Variants in B3GNT5 observed in about 807,000 individuals in gnomAD.
B3GNT5 encodes UDP-GlcNAc:betaGal beta-1,3-N-acetylglucosaminyltransferase 5, also known as lactosylceramide 1,3-N-acetyl-beta-D-glucosaminyltransferase.
Under a neutral mutation model 25.9 loss-of-function variants are expected in B3GNT5, and 11 were observed. The observed-to-expected ratio is 0.42, with a 90% CI of 0.27 to 0.70. B3GNT5 has a LOEUF of 0.70. B3GNT5 is among the 30% of genes least tolerant of loss of function. B3GNT5 has a pLI of 0.23. For synonymous variants in B3GNT5, 166 were observed against 158.6 expected (o/e 1.05, Z -0.35); for missense variants, 385 against 458.4 (o/e 0.84, Z 1.46).
At chr3:183,258,275 C>G (rs1242660764) in intron 1 of B3GNT5, 1 of 152,948 alleles carries the variant, frequency 6.5e-6, no homozygotes, top group Non-Finnish European at 1.5e-5. Flanking sequence ...CCACTTCACC[C>G]TTTAAGCCAG....
chr3:183,266,012 A>C (rs775403739), intron 1 of B3GNT5: 4 of 152,252 alleles, frequency 2.6e-5, no homozygotes, highest in Non-Finnish European at 5.9e-5. Context: ...CTGAAAAAAT[A>C]CAGGAAAATA....
At position 183,270,263 on chromosome 3, in the gene B3GNT5, T is replaced by A; in HGVS notation, c.465T>A (p.Asp155Glu). 6.2e-7 allele frequency: 1 copy of A among 1,614,170 alleles called. No homozygotes were observed. ...KLAWEDQRYN[D>E]IIQQDFVDSF... ...CTTGGGAAGATCAAAGGTACAATGA[T>A]ATAATTCAGCAAGACTTTGTTGATT... Residue 155 changes from aspartate to glutamate, a missense_variant, in exon 2 of 2, where the codon GAT becomes GAA. Asp to Glu is a conservative substitution (Grantham distance 45). Coordinates refer to ENST00000326505, the MANE Select transcript of B3GNT5 (RefSeq NM_032047.5). This position sits in a 1 kb window ranked among gnomAD's most constrained non-coding sequence, Gnocchi z 4.5.
intron 1 of B3GNT5, among the ~76,000 whole-genome samples, chr3:183,263,363 T>C (rs1246310300): frequency 6.6e-6 from 1 of 152,146 alleles, no homozygotes; most frequent in African/African-American, 2.4e-5. Context: ...AGGGTCCATC[T>C]TTAGACCCTC....
Position 183,270,363 on chromosome 3 carries a change from C to T in B3GNT5, c.565C>T (p.Leu189Phe), listed in dbSNP as rs1263866685. ...TACCTATTGTCCACATGCCAAATTT[C>T]TTATGACTGCTGATGATGACATATT... Reference protein sequence around the residue: ...ANTYCPHAKFLMTADDDIFIH... With the variant: ...ANTYCPHAKFFMTADDDIFIH... The change falls in exon 2 of 2, where the codon CTT becomes TTT. Residue 189 changes from leucine (L) to phenylalanine (F), a missense_variant. Leu to Phe is a conservative substitution (Grantham distance 22). Coordinates refer to ENST00000326505, the MANE Select transcript of B3GNT5 (RefSeq NM_032047.5). The surrounding 1 kb of genome is among the most constrained non-coding windows in gnomAD (Gnocchi z 4.5). 5.6e-6 allele frequency: 9 copies of T among 1,614,074 alleles called. No individual in the cohort carries two copies. Among genetic ancestry groups the T allele is most frequent in the Non-Finnish European group, 7.6e-6 (9 of 1,180,038 alleles).
intron 1 of B3GNT5, among the ~76,000 whole-genome samples, chr3:183,266,402 A>G (rs191792476): frequency 3.3e-5 from 5 of 152,320 alleles, no homozygotes. Flanking sequence ...TAGAAACTGC[A>G]GATGCTTTTC....
intron 1 of B3GNT5, among the ~76,000 whole-genome samples, chr3:183,269,203 T>A (rs1484852237): frequency 1.3e-5 from 2 of 148,706 alleles, no homozygotes; most frequent in Non-Finnish European, 3.0e-5. Context: ...TGAACTTAAG[T>A]ATACACGATT....
At chr3:183,260,248 A>C (rs1364596338) in intron 1 of B3GNT5, among the ~76,000 whole-genome samples, 1 of 152,134 alleles carries the variant, frequency 6.6e-6, no homozygotes, top group Non-Finnish European at 1.5e-5. Flanking sequence ...AGGCTTAAAG[A>C]GCTACCACAT....
In B3GNT5 at chr3:183,268,127, T is replaced by C. The variant is rs117095482; in HGVS notation, c.-301-1371T>C. On this transcript the variant is annotated intron_variant, in intron 1 of 1. Transcript: ENST00000326505. Reference sequence around the variant, plus strand: ...ACTTCATATTAGCAAGGGAGGAAGGTAGCCAGGCCACAGGACTGCTGGTGT... The same window carrying C: ...ACTTCATATTAGCAAGGGAGGAAGGCAGCCAGGCCACAGGACTGCTGGTGT... Among the ~76,000 whole-genome samples the C allele has an allele frequency of 2.4e-4, 36 of 152,330 alleles. No homozygotes were observed. The East Asian group carries it at 6.8e-3, about 29-fold the overall frequency.
In B3GNT5 at chr3:183,271,411, T is replaced by C. The variant is rs2108448749; in HGVS notation, c.*476T>C. On this transcript the variant is annotated 3_prime_UTR_variant, in exon 2 of 2. Coordinates refer to ENST00000326505, the MANE Select transcript of B3GNT5 (RefSeq NM_032047.5). ...GGAAAGGTCAGCATAGGAGAGAAAG[T>C]TCATGAATCTGGTAAAACAGTCTCT... is the stretch of plus-strand genomic sequence containing the variant. The C allele has an allele frequency of 6.0e-6, 1 of 167,456 alleles. No homozygotes were observed. Among genetic ancestry groups the C allele is most frequent in the East Asian group, 1.9e-4 (1 of 5,198 alleles). 10.4% of individuals were successfully genotyped at this position (167,456 alleles called of 1,614,324 possible). A position where few individuals can be genotyped will look rare whatever the true frequency, so the allele number is the denominator to read the frequency against.
At position 183,261,961 on chromosome 3, in the gene B3GNT5, T is replaced by TAAA. The variant is rs59219335; in HGVS notation, c.-301-7523_-301-7521dup. On this transcript the variant is annotated intron_variant, in intron 1 of 1. Coordinates refer to ENST00000326505, the MANE Select transcript of B3GNT5 (RefSeq NM_032047.5). ...TTTAGGAGGTTTTCATGTCCAGCATTAAAAAAAAAAAAAAAAGAATAGAAT... is the reference window on the plus strand; with the variant it reads ...TTTAGGAGGTTTTCATGTCCAGCATTAAAAAAAAAAAAAAAAAAAGAATAGAAT... 3.6e-4 allele frequency among the ~76,000 whole-genome samples: 40 copies of TAAA among 112,112 alleles called. 1 individual carries two copies. In the East Asian group the frequency reaches 9.8e-3, roughly 27 times the overall value. 73.5% of individuals were successfully genotyped at this position (112,112 alleles called of 152,430 possible).
rs761087698 is a variant in B3GNT5 at position 183,270,566 on chromosome 3, T to C, written c.768T>C (p.Ala256=). Residue 256 remains alanine (A), a synonymous_variant, in exon 2 of 2, where the codon GCT becomes GCC. Transcript: ENST00000326505. The surrounding 1 kb of genome is among the most constrained non-coding windows in gnomAD (Gnocchi z 4.5). ...WPAYPDYTAG[A]AYVISGDVAA... is the part of the protein sequence containing the mutation. ...CTTACCCTGACTACACAGCCGGAGCTGCCTATGTAATCTCCGGTGATGTAG... is the reference window on the plus strand; with the variant it reads ...CTTACCCTGACTACACAGCCGGAGCCGCCTATGTAATCTCCGGTGATGTAG... 6.2e-7 allele frequency: 1 copy of C among 1,614,098 alleles called. No individual in the cohort carries two copies. Among genetic ancestry groups the C allele is most frequent in the Admixed American group, 1.7e-5 (1 of 60,010 alleles).
chr3:183,272,821 C>A lies in B3GNT5; in HGVS notation c.*1886C>A. The A allele has an allele frequency of 8.2e-7, 1 of 1,213,754 alleles. No homozygotes were observed. Among genetic ancestry groups the A allele is most frequent in the Non-Finnish European group, 1.0e-6 (1 of 963,908 alleles). 75.2% of individuals were successfully genotyped at this position (1,213,754 alleles called of 1,614,324 possible). A position where few individuals can be genotyped will look rare whatever the true frequency, so the allele number is the denominator to read the frequency against. On this transcript the variant is annotated 3_prime_UTR_variant, in exon 2 of 2. Transcript: ENST00000326505. ...CTATACTTGGAAGTGTTTAAGGTTG[C>A]CATTGGTTGAAAACATAAGTGTCTC...
At chr3:183,269,081 T>C (rs1726444257) in intron 1 of B3GNT5, among the ~76,000 whole-genome samples, 1 of 152,170 alleles carries the variant, frequency 6.6e-6, no homozygotes, top group Admixed American at 6.5e-5. Context: ...TAATGGATTT[T>C]TACTGCTGTG....
At chr3:183,255,287 T>A (rs1014358657) in intron 1 of B3GNT5, among the ~76,000 whole-genome samples, 7 of 152,202 alleles carry the variant, frequency 4.6e-5, no homozygotes, top group Non-Finnish European at 8.8e-5. Context: ...TGATTAGTGA[T>A]CAGCAGCAGA....
At chr3:183,268,789 C>A (rs910615764) in intron 1 of B3GNT5, among the ~76,000 whole-genome samples, 2 of 152,142 alleles carry the variant, frequency 1.3e-5, no homozygotes, top group African/African-American at 2.4e-5. Flanking sequence ...GTGGCTAAGG[C>A]GGCATTGGTG....
intron 1 of B3GNT5, among the ~76,000 whole-genome samples, chr3:183,255,792 C>T (rs552640681): frequency 4.1e-5 from 6 of 147,334 alleles, no homozygotes; most frequent in Non-Finnish European, 8.9e-5. Context: ...AAAAGACATT[C>T]AAATGGTGAG....
rs541337562 is a variant in B3GNT5, at chr3:183,262,122, A to C, written c.-301-7376A>C. 3.1e-4 allele frequency among the ~76,000 whole-genome samples: 46 copies of C among 147,696 alleles called. 1 individual carries two copies. Among genetic ancestry groups the C allele is most frequent in the East Asian group, 2.2e-3 (11 of 5,094 alleles). ...TCATAATACTAATACAAGGATTAGT[A>C]TCGTTTTATGATACTTTATTATATA... is the stretch of plus-strand genomic sequence containing the variant. On this transcript the variant is annotated intron_variant, in intron 1 of 1. Transcript: ENST00000326505.
At chr3:183,263,854 G>C (rs575553313) in intron 1 of B3GNT5, among the ~76,000 whole-genome samples, 2 of 152,162 alleles carry the variant, frequency 1.3e-5, no homozygotes, top group East Asian at 3.9e-4. Context: ...CGCCATCCCA[G>C]GTCATTCATC....
intron 1 of B3GNT5, among the ~76,000 whole-genome samples, chr3:183,268,420 G>A (rs1200129793): frequency 6.6e-6 from 1 of 152,106 alleles, no homozygotes; most frequent in Non-Finnish European, 1.5e-5. Flanking sequence ...TAGTCTGGGT[G>A]AGAAGTGATG....
Sources: gnomAD v4.1 joint callset for allele counts (sites outside exome capture counted in the v4.1 genomes callset) on GRCh38, gnomAD v4.1.1 for gene constraint, Gnocchi (gnomAD v3.1) non-coding constraint, MANE v1.5 for transcripts, NCBI Gene and HGNC (gene_info 2026-07-23, HGNC 2026-07-21) for gene names.